Variants in CENPF observed in about 807,000 individuals in gnomAD.
CENPF encodes the protein centromere protein F.
A neutral mutation model predicts 307.3 loss-of-function variants in CENPF; 214 were observed. The ratio of observed to expected loss-of-function variants is 0.70; its 90% CI spans 0.62 to 0.78. The LOEUF is 0.78. Among genes scored for constraint, CENPF ranks in the 30% least tolerant of loss-of-function variants. CENPF has a pLI of 0.00. For missense variants in CENPF, 3,401 were observed against 3,483.9 expected (o/e 0.98, Z 0.60); for synonymous variants, 1,259 against 1,270.6 (o/e 0.99, Z 0.19).
In CENPF at chr1:214,644,756, C is replaced by A. The variant is rs758081423; in HGVS notation, c.5186C>A (p.Thr1729Asn). Residue 1729 changes from threonine (T) to asparagine (N), a missense_variant, in exon 13 of 20, where the codon ACC becomes AAC. Physicochemically the swap from Thr to Asn is moderately conservative, Grantham distance 65. Transcript: ENST00000366955. ...GECSGEQSPDTNYEPPGEDKT... is the reference protein window; with the variant it reads ...GECSGEQSPDNNYEPPGEDKT... ...TGCTCTGGGGAACAGTCCCCAGATACCAATTATGAGCCTCCAGGGGAAGAT... is the reference window on the plus strand; with the variant it reads ...TGCTCTGGGGAACAGTCCCCAGATAACAATTATGAGCCTCCAGGGGAAGAT... 12 of 1,613,678 alleles carry A rather than the reference C, an allele frequency of 7.4e-6. No individual in the cohort carries two copies. Among genetic ancestry groups the A allele is most frequent in the Admixed American group, 3.3e-5 (2 of 59,932 alleles).
chr1:214,659,137 CTGACCTTCT>C lies in CENPF; in HGVS notation c.9141+112_9141+120del. 1 of 1,166,900 alleles carries C rather than the reference CTGACCTTCT, an allele frequency of 8.6e-7. No homozygotes were observed. Among genetic ancestry groups the C allele is most frequent in the South Asian group, 1.5e-5 (1 of 68,382 alleles). 72.3% of individuals were successfully genotyped at this position (1,166,900 alleles called of 1,614,324 possible). On this transcript the variant is annotated intron_variant, in intron 19 of 19. Transcript: ENST00000366955. This position sits in a 1 kb window ranked among gnomAD's most constrained non-coding sequence, Gnocchi z 4.4. The stretch of plus-strand genomic sequence containing the variant: ...CGATTCAGGAGCGCTTTCAAAAAGT[CTGACCTTCT>C]TGGTGTGGTGTAAGTCAGTCAGTAG...
intron 19 of CENPF, among the ~76,000 whole-genome samples, chr1:214,661,390 A>C (rs1658783057): frequency 6.6e-6 from 1 of 152,212 alleles, no homozygotes; most frequent in Admixed American, 6.5e-5. Context: ...AGCGTATTAC[A>C]TCACTTAGTT....
chr1:214,657,351 A>C lies in CENPF; in HGVS notation c.8904A>C (p.Ala2968=). 1 of 1,613,078 alleles carries C rather than the reference A, an allele frequency of 6.2e-7. No homozygotes were observed. The highest frequency in any genetic ancestry group is 2.2e-5 in the East Asian group (1 of 44,880). The change falls in exon 18 of 20, where the codon GCA becomes GCC. Residue 2968 remains alanine, a synonymous_variant. Coordinates refer to ENST00000366955, the MANE Select transcript of CENPF (RefSeq NM_016343.4). The part of the protein sequence containing the change: ...KKAVMSGIHP[A]EDTEGTEFEP... The stretch of plus-strand genomic sequence containing the variant: ...CAGTCATGAGTGGTATTCACCCTGC[A>C]GAAGACACGGAAGGTACTGAGTTTG...
chr1:214,657,921 TA>T (rs1301723223), intron 18 of CENPF, among the ~76,000 whole-genome samples: 2 of 152,224 alleles, frequency 1.3e-5, no homozygotes, highest in African/African-American at 2.4e-5. Flanking sequence ...GTATTGTAAT[TA>T]AGTAGGAATT....
chr1:214,632,739 T>A, intron 10 of CENPF, 137 bp downstream of exon 10: 1 of 986,386 alleles, frequency 1.0e-6, no homozygotes, highest in Non-Finnish European at 1.5e-6. Flanking sequence ...GAAGTAAGTA[T>A]TACAGAATTT....
Position 214,613,779 on chromosome 1 carries a change from A to G in CENPF, c.25A>G (p.Lys9Glu). Residue 9 changes from lysine to glutamate, a missense_variant, in exon 2 of 20, where the codon AAA (lysine) becomes GAA (glutamate). Transcript: ENST00000366955. MSWALEEW[K>E]EGLPTRALQK... ...AATGAGCTGGGCTTTGGAAGAATGG[A>G]AAGAAGGGCTGCCTACAAGAGCTCT... 1 of 1,607,630 alleles carries G rather than the reference A, an allele frequency of 6.2e-7. No individual in the cohort carries two copies. The highest frequency in any genetic ancestry group is 8.5e-7 in the Non-Finnish European group (1 of 1,177,988).
rs777730944 is a variant in CENPF, at chr1:214,647,217, A to C, written c.7647A>C (p.Gln2549His). ...TGTCCCAGGTGGAAGGAGAGCACCAACTTTGGAAGGAGCAAAACTTAGAAC... is the reference window on the plus strand; with the variant it reads ...TGTCCCAGGTGGAAGGAGAGCACCACCTTTGGAAGGAGCAAAACTTAGAAC... ...SKLSQVEGEH[Q>H]LWKEQNLELR... Residue 2549 changes from glutamine (Q) to histidine (H), a missense_variant, in exon 13 of 20, where the codon CAA (glutamine) becomes CAC (histidine). By Grantham distance (24) the Gln-to-His change is conservative. Transcript: ENST00000366955. The C allele has an allele frequency of 5.0e-5, 81 of 1,614,030 alleles. No homozygotes were observed. Among genetic ancestry groups the C allele is most frequent in the Non-Finnish European group, 6.4e-5 (76 of 1,179,992 alleles).
chr1:214,610,549 T>C (rs1232520601), intron 1 of CENPF, among the ~76,000 whole-genome samples: 2 of 152,118 alleles, frequency 1.3e-5, no homozygotes, highest in Non-Finnish European at 2.9e-5. Flanking sequence ...TGTTTTTCTC[T>C]TGTAAATTTA....
Position 214,629,082 on chromosome 1 carries a change from G to A in CENPF, c.1105G>A (p.Glu369Lys). Reference protein sequence around the residue: ...ALEQKLKKLTEDLSCQRQNAE... With the variant: ...ALEQKLKKLTKDLSCQRQNAE... ...GGAACAAAAACTGAAAAAATTGACG[G>A]AAGATTTGAGTTGTCAGCGACAAAA... The change falls in exon 8 of 20, where the codon GAA (glutamate) becomes AAA (lysine). Residue 369 changes from glutamate to lysine, a missense_variant. Glu to Lys is a moderately conservative substitution (Grantham distance 56). Coordinates refer to ENST00000366955, the MANE Select transcript of CENPF (RefSeq NM_016343.4). 1 of 1,610,964 alleles carries A rather than the reference G, an allele frequency of 6.2e-7. No homozygotes were observed. Among genetic ancestry groups the A allele is most frequent in the Non-Finnish European group, 8.5e-7 (1 of 1,178,764 alleles).
chr1:214,651,968 ATC>A, intron 15 of CENPF, 82 bp downstream of exon 15: 1 of 1,275,284 alleles, frequency 7.8e-7, no homozygotes, highest in African/African-American at 1.5e-5. Flanking sequence ...TCCAAAAAAA[ATC>A]AATATTCTGG....
rs1657268508 is a variant in CENPF, at chr1:214,613,986, T to G, written c.162+70T>G. 3.0e-6 allele frequency: 4 copies of G among 1,346,396 alleles called. No homozygotes were observed. In the East Asian group the frequency reaches 1.0e-4, roughly 35 times the overall value. 83.4% of individuals were successfully genotyped at this position (1,346,396 alleles called of 1,614,324 possible). A position where few individuals can be genotyped will look rare whatever the true frequency, so the allele number is the denominator to read the frequency against. ...ACAGAGAAGTGCTGGTATTTAAAAC[T>G]GTTCACTCATTTTTGGATTAATTAT... is the stretch of plus-strand genomic sequence containing the variant. On this transcript the variant is annotated intron_variant, in intron 2 of 19. Coordinates refer to ENST00000366955, the MANE Select transcript of CENPF (RefSeq NM_016343.4).
chr1:214,653,467 C>CT (rs5780800), intron 16 of CENPF: 28 of 146,874 alleles, frequency 1.9e-4, no homozygotes, highest in African/African-American at 5.7e-4. Flanking sequence ...GATCATAGAA[C>CT]TTTTTTTTTT....
chr1:214,641,349 T>C lies in CENPF; in HGVS notation c.3011T>C (p.Ile1004Thr). Residue 1004 changes from isoleucine (I) to threonine (T), a missense_variant, in exon 12 of 20, where the codon ATA becomes ACA. Physicochemically the swap from Ile to Thr is moderately conservative, Grantham distance 89. Transcript: ENST00000366955. ...IQKSESFANY[I>T]DEREKSISEL... ...AAAAGTGAGAGTTTTGCAAACTATA[T>C]AGATGAAAGGGAGAAAAGCATTTCA... 6.2e-7 allele frequency: 1 copy of C among 1,611,070 alleles called. No individual in the cohort carries two copies. Among genetic ancestry groups the C allele is most frequent in the South Asian group, 1.1e-5 (1 of 89,984 alleles).
chr1:214,632,495 C>T lies in CENPF; in HGVS notation c.1339C>T (p.Gln447Ter), dbSNP rs767228109. Residue 447 changes from glutamine to a stop codon, truncating the protein, a stop_gained, in exon 10 of 20, where the codon CAA becomes TAA. Transcript: ENST00000366955. LOFTEE classifies it high-confidence loss of function. ...AELDKLTSVK[Q>*]QLENNLEEFK... Reference sequence around the variant, plus strand: ...CTTTTTGTAGCTCACATCAGTAAAGCAACAGCTAGAAAACAATTTGGAAGA... The same window carrying T: ...CTTTTTGTAGCTCACATCAGTAAAGTAACAGCTAGAAAACAATTTGGAAGA... 6.2e-7 allele frequency: 1 copy of T among 1,613,552 alleles called. No homozygotes were observed. Among genetic ancestry groups the T allele is most frequent in the Non-Finnish European group, 8.5e-7 (1 of 1,179,748 alleles).
Position 214,640,608 on chromosome 1 carries a change from A to G in CENPF, c.2270A>G (p.His757Arg), listed in dbSNP as rs1266569490. The change falls in exon 12 of 20, where the codon CAT becomes CGT. Residue 757 changes from histidine to arginine, a missense_variant. Physicochemically the swap from His to Arg is conservative, Grantham distance 29. Coordinates refer to ENST00000366955, the MANE Select transcript of CENPF (RefSeq NM_016343.4). ...AAAGACCGGTGTTACCAAGACTTGCATGCCGAATATGAGAGCCTCAGGGAT... is the reference window on the plus strand; with the variant it reads ...AAAGACCGGTGTTACCAAGACTTGCGTGCCGAATATGAGAGCCTCAGGGAT... ...MDKDRCYQDLHAEYESLRDLL... is the reference protein window; with the variant it reads ...MDKDRCYQDLRAEYESLRDLL... 1.2e-6 allele frequency: 2 copies of G among 1,614,146 alleles called. No homozygotes were observed. The highest frequency in any genetic ancestry group is 2.2e-5 in the East Asian group (1 of 44,880).
At chr1:214,626,709 C>T (rs1657664029) in intron 7 of CENPF, among the ~76,000 whole-genome samples, 1 of 152,126 alleles carries the variant, frequency 6.6e-6, no homozygotes, top group Non-Finnish European at 1.5e-5. Context: ...GTTAATAATG[C>T]CTGTGTCATA....
At chr1:214,630,396 G>A (rs1412738030) in intron 8 of CENPF, 138 bp from the exon 9 acceptor site, 15 of 1,016,234 alleles carry the variant, frequency 1.5e-5, no homozygotes, top group South Asian at 1.2e-4. Context: ...TATGTTCATC[G>A]TTAAGTGGAC....
Position 214,640,147 on chromosome 1 carries a change from G to A in CENPF, c.1809G>A (p.Glu603=), listed in dbSNP as rs750581392. The A allele has an allele frequency of 1.9e-6, 3 of 1,584,856 alleles. No homozygotes were observed. The East Asian group carries it at 6.7e-5, about 35-fold the overall frequency. Residue 603 remains glutamate (E), a synonymous_variant, in exon 12 of 20, where the codon GAG becomes GAA. Transcript: ENST00000366955. ...CCAAAGCCTTGCTGAGTGCTTTAGA[G>A]TTAAAAAAGAAAGAATATGAAGAAT... ...KESKALLSAL[E]LKKKEYEELK... is the part of the protein sequence containing the mutation.
chr1:214,658,907 T>C lies in CENPF; in HGVS notation c.9020T>C (p.Met3007Thr). The C allele has an allele frequency of 1.2e-6, 2 of 1,614,112 alleles. No individual in the cohort carries two copies. Among genetic ancestry groups the C allele is most frequent in the Non-Finnish European group, 1.7e-6 (2 of 1,179,992 alleles). ...TSPYILRRTT[M>T]ATRTSPRLAA... ...CCATATATCCTGCGAAGAACAACCA[T>C]GGCAACTCGGACCAGCCCCCGCCTG... Residue 3007 changes from methionine to threonine, a missense_variant, in exon 19 of 20, where the codon ATG (methionine) becomes ACG (threonine). Met to Thr is a moderately conservative substitution (Grantham distance 81). Coordinates refer to ENST00000366955, the MANE Select transcript of CENPF (RefSeq NM_016343.4).
Sources: allele counts gnomAD v4.1 joint callset (sites outside exome capture counted in the v4.1 genomes callset), GRCh38; gene constraint gnomAD v4.1.1; non-coding constraint Gnocchi (gnomAD v3.1); transcripts MANE v1.5; gene names NCBI Gene and HGNC (gene_info 2026-07-23, HGNC 2026-07-21).